KLC1: variants seen among roughly 807,000 people sequenced by gnomAD.
KLC1 encodes the protein kinesin 2 60/70kDa.
A neutral mutation model predicts 84.2 loss-of-function variants in KLC1; 30 were observed. The ratio of observed to expected loss-of-function variants is 0.36; its 90% CI spans 0.27 to 0.48. The LOEUF (loss-of-function observed/expected upper bound fraction) is 0.48, where lower values mean the gene tolerates loss of function less well. KLC1 is among the 20% of genes least tolerant of loss of function. KLC1 has a pLI of 0.99. For missense variants in KLC1, 499 were observed against 805.4 expected (o/e 0.62, Z 4.60); for synonymous variants, 289 against 293.3 (o/e 0.99, Z 0.15).
At chr14:103,674,180 C>T (rs1467618855) in intron 9 of KLC1, among the ~76,000 whole-genome samples, 2 of 152,142 alleles carry the variant, frequency 1.3e-5, no homozygotes, top group East Asian at 3.9e-4. Context: ...TAATGTCTTT[C>T]CTTCCTTCTG....
chr14:103,656,177 T>C (rs2078827246), intron 2 of KLC1, among the ~76,000 whole-genome samples: 1 of 152,176 alleles, frequency 6.6e-6, no homozygotes, highest in African/African-American at 2.4e-5. Flanking sequence ...TGTACAGCAG[T>C]GCTTACATTG....
intron 14 of KLC1, among the ~76,000 whole-genome samples, chr14:103,691,458 CTTTTTTTTTTTTT>C (rs71126053): frequency 1.5e-4 from 10 of 68,776 alleles, no homozygotes; most frequent in South Asian, 6.4e-4. Flanking sequence ...CCACGCCTGG[CTTTTTTTTTTTTT>C]TTTTTTTTTT....
intron 1 of KLC1, among the ~76,000 whole-genome samples, chr14:103,637,106 A>G (rs2077104509): frequency 6.6e-6 from 1 of 151,744 alleles, no homozygotes; most frequent in Non-Finnish European, 1.5e-5. Flanking sequence ...TTTTTTATAC[A>G]AGCCGTTTGC....
intron 1 of KLC1, among the ~76,000 whole-genome samples, chr14:103,646,487 AATATT>A (rs1350793804): frequency 6.6e-6 from 1 of 151,582 alleles, no homozygotes; most frequent in Non-Finnish European, 1.5e-5. Context: ...TTTTAATTAA[AATATT>A]ATATGTATGC....
chr14:103,666,159 G>C (rs2079783504), intron 5 of KLC1, among the ~76,000 whole-genome samples: 1 of 152,034 alleles, frequency 6.6e-6, no homozygotes, highest in Non-Finnish European at 1.5e-5. Context: ...CGCCTCCCGG[G>C]TTCACGCCAT....
At chr14:103,636,706 T>C (rs2077069651) in intron 1 of KLC1, among the ~76,000 whole-genome samples, 1 of 151,982 alleles carries the variant, frequency 6.6e-6, no homozygotes, top group African/African-American at 2.4e-5. Context: ...TTTGTATTTT[T>C]AAGTTCCTTA....
intron 2 of KLC1, among the ~76,000 whole-genome samples, chr14:103,656,993 G>A (rs545344555): frequency 6.6e-6 from 1 of 152,112 alleles, no homozygotes; most frequent in Non-Finnish European, 1.5e-5. Context: ...AGTGGCCCCT[G>A]GATTTTATGA....
At chr14:103,689,102 G>A (rs1053669375) in intron 14 of KLC1, among the ~76,000 whole-genome samples, 2 of 152,186 alleles carry the variant, frequency 1.3e-5, no homozygotes, top group African/African-American at 4.8e-5. Context: ...GTGTCACACA[G>A]CAGCTCTCAG....
At chr14:103,681,551 C>G (rs1235336666) in intron 13 of KLC1, among the ~76,000 whole-genome samples, 1 of 152,100 alleles carries the variant, frequency 6.6e-6, no homozygotes, top group African/African-American at 2.4e-5. Flanking sequence ...CCTCTGCCTC[C>G]TGGTTCAAGC....
chr14:103,662,086 A>G, intron 3 of KLC1, 30 bp from the exon 4 acceptor site: 3 of 1,505,092 alleles, frequency 2.0e-6, no homozygotes, highest in Non-Finnish European at 2.8e-6. Flanking sequence ...CACGTGTAAG[A>G]TGAAGTGTTG....
intron 2 of KLC1, 83 bp from the exon 3 acceptor site, chr14:103,657,463 C>A: frequency 9.7e-7 from 1 of 1,030,538 alleles, no homozygotes; most frequent in East Asian, 2.4e-5. Flanking sequence ...AGCTACAGCC[C>A]CAGCCACAGA....
At chr14:103,696,103 C>A in intron 15 of KLC1, 1 of 521,250 alleles carries the variant, frequency 1.9e-6, no homozygotes, top group Non-Finnish European at 2.4e-6. Flanking sequence ...CCCCCGCCCC[C>A]CGCCCCCCCC....
chr14:103,674,897 C>T (rs2080748747), intron 9 of KLC1, among the ~76,000 whole-genome samples: 1 of 152,200 alleles, frequency 6.6e-6, no homozygotes, highest in South Asian at 2.1e-4. Context: ...AGTTGCTCAC[C>T]TGTCTCAGGA....
chr14:103,698,839 C>T (rs1380630323), intron 15 of KLC1: 14 of 1,606,860 alleles, frequency 8.7e-6, no homozygotes, highest in South Asian at 1.1e-5. Context: ...ACCCCTTCGG[C>T]ACTGATCGTG....
At chr14:103,654,089 C>T (rs1419980697) in intron 1 of KLC1, among the ~76,000 whole-genome samples, 2 of 152,186 alleles carry the variant, frequency 1.3e-5, no homozygotes, top group Admixed American at 1.3e-4. Context: ...GTCTGCTCCT[C>T]CCCTGCTGCT....
chr14:103,698,632 G>T, intron 15 of KLC1: 1 of 688,590 alleles, frequency 1.5e-6, no homozygotes. Flanking sequence ...ATGGGGGTCA[G>T]TCTGTGGCCA....
chr14:103,698,957 C>T, intron 15 of KLC1: 2 of 1,601,180 alleles, frequency 1.2e-6, no homozygotes, highest in Non-Finnish European at 1.7e-6. Context: ...CCAGCAGTCT[C>T]ACCAGGAGCT....
At chr14:103,687,308 A>G (rs571586503) in intron 14 of KLC1, 97 bp downstream of exon 14, 47 of 1,238,782 alleles carry the variant, frequency 3.8e-5, no homozygotes, top group Middle Eastern at 3.0e-4. Context: ...ACTTGAGGAA[A>G]GACACTCCAG....
At chr14:103,685,295 T>C (rs2151815648) in intron 13 of KLC1, 1 of 1,337,516 alleles carries the variant, frequency 7.5e-7, no homozygotes. Context: ...TGTTTTTCAT[T>C]GCATAATCTC....
Sources: gnomAD v4.1 joint callset for allele counts (sites outside exome capture counted in the v4.1 genomes callset) on GRCh38, gnomAD v4.1.1 for gene constraint, MANE v1.5 for transcripts, NCBI Gene and HGNC (gene_info 2026-07-23, HGNC 2026-07-21) for gene names.